Variants in BRI3BP observed in about 807,000 individuals in gnomAD.
The protein encoded by BRI3BP is BRI3-binding protein.
Under a neutral mutation model 15.8 loss-of-function variants are expected in BRI3BP, and 7 were observed. The ratio of observed to expected loss-of-function variants is 0.44; its 90% CI spans 0.25 to 0.83. The LOEUF is 0.83. BRI3BP is among the 40% of genes least tolerant of loss of function. BRI3BP has a pLI of 0.20. For synonymous variants in BRI3BP, 192 were observed against 163.5 expected (o/e 1.17, Z -1.33); for missense variants, 320 against 339.3 (o/e 0.94, Z 0.45).
rs1955374309 is a variant in BRI3BP, at chr12:125,028,265, T to C, written c.*2835T>C. 6.6e-6 allele frequency: 1 copy of C among 152,262 alleles called. No individual in the cohort carries two copies. The highest frequency in any genetic ancestry group is 6.5e-5 in the Admixed American group (1 of 15,288). The allele number at this position is 152,262 out of a possible 1,614,324, so 9.4% of individuals were successfully genotyped here. ...TGGCCCCTCCCTTGTTTATGGTCAT[T>C]GTAAGATGCCCGCATGTTAAGGCTT... On this transcript the variant is annotated 3_prime_UTR_variant, in exon 3 of 3. Coordinates refer to ENST00000341446, the MANE Select transcript of BRI3BP (RefSeq NM_080626.6).
chr12:125,013,729 C>T (rs1403996698), intron 2 of BRI3BP, among the ~76,000 whole-genome samples: 5 of 152,126 alleles, frequency 3.3e-5, no homozygotes, highest in African/African-American at 7.2e-5. Flanking sequence ...GGAGCTGGCC[C>T]CTGGTTTTGT....
intron 1 of BRI3BP, among the ~76,000 whole-genome samples, chr12:125,007,495 G>A (rs1054809135): frequency 6.6e-6 from 1 of 152,158 alleles, no homozygotes; most frequent in African/African-American, 2.4e-5. Flanking sequence ...GTTGCAGTGA[G>A]CTGAGATGGC....
chr12:125,016,825 C>CTTTTTTTTTTTTTTTTTTTT (rs58016016), intron 2 of BRI3BP, among the ~76,000 whole-genome samples: 5 of 39,808 alleles, frequency 1.3e-4, no homozygotes, highest in South Asian at 2.1e-3. Flanking sequence ...TGCGCCCAGC[C>CTTTTTTTTTTTTTTTTTTTT]TTTTTTTTTT....
intron 2 of BRI3BP, among the ~76,000 whole-genome samples, chr12:125,023,958 C>G (rs984551934): frequency 6.6e-6 from 1 of 152,166 alleles, no homozygotes; most frequent in Non-Finnish European, 1.5e-5. Context: ...ATAATCCCAG[C>G]TACTTGGGAG....
At chr12:125,032,185 G>A (rs754283119), downstream of BRI3BP, among the ~76,000 whole-genome samples, 12 of 152,160 alleles carry the variant, frequency 7.9e-5, no homozygotes, top group Non-Finnish European at 1.2e-4. Context: ...CATTTTGGCC[G>A]GGTGAGGTGG....
the BRI3BP span, among the ~76,000 whole-genome samples, chr12:125,049,194 C>T: frequency 1.3e-5 from 2 of 152,136 alleles, no homozygotes; most frequent in African/African-American, 4.8e-5. Flanking sequence ...AACTCCTGAC[C>T]TCAGGTGGGC....
the BRI3BP span, among the ~76,000 whole-genome samples, chr12:125,048,274 T>C: frequency 6.6e-6 from 1 of 152,148 alleles, no homozygotes; most frequent in Admixed American, 6.6e-5. Context: ...ATGGGTGTCA[T>C]GAGATCTGAC....
At chr12:125,042,624 T>C in the BRI3BP span, among the ~76,000 whole-genome samples, 1 of 152,054 alleles carries the variant, frequency 6.6e-6, no homozygotes, top group Non-Finnish European at 1.5e-5. Context: ...AACCTCTGCC[T>C]CCTGGGTTCA....
chr12:125,023,937 G>A (rs1237322194), intron 2 of BRI3BP, among the ~76,000 whole-genome samples: 2 of 152,164 alleles, frequency 1.3e-5, no homozygotes, highest in African/African-American at 2.4e-5. Context: ...TGGGTGTGGT[G>A]GCATGTGCCT....
chr12:125,049,642 T>C, the BRI3BP span, among the ~76,000 whole-genome samples: 2 of 152,016 alleles, frequency 1.3e-5, no homozygotes, highest in Non-Finnish European at 2.9e-5. Flanking sequence ...ATTGCTAAGC[T>C]CCGATTGGGC....
At chr12:125,046,733 C>T in the BRI3BP span, among the ~76,000 whole-genome samples, 1 of 152,332 alleles carries the variant, frequency 6.6e-6, no homozygotes, top group Admixed American at 6.5e-5. Flanking sequence ...TCGACTTTAG[C>T]ATTATCAGTC....
the BRI3BP span, among the ~76,000 whole-genome samples, chr12:125,038,241 T>C: frequency 6.8e-6 from 1 of 146,074 alleles, no homozygotes; most frequent in South Asian, 2.2e-4. Flanking sequence ...TGTGCCCCTG[T>C]GCTCCAGCCA....
chr12:125,013,016 C>T (rs1187930347), intron 2 of BRI3BP, among the ~76,000 whole-genome samples: 3 of 152,012 alleles, frequency 2.0e-5, no homozygotes, highest in Non-Finnish European at 2.9e-5. Context: ...ATGAGGAATT[C>T]GAGGCTGCAG....
chr12:125,000,828 C>T (rs1459767822), intron 1 of BRI3BP, among the ~76,000 whole-genome samples: 1 of 152,106 alleles, frequency 6.6e-6, no homozygotes, highest in Non-Finnish European at 1.5e-5. Context: ...TAGTTGCAGA[C>T]GTCTTAATAC....
chr12:125,009,715 G>T lies in BRI3BP; in HGVS notation c.214-2819G>T, dbSNP rs1395393790. 2.0e-4 allele frequency among the ~76,000 whole-genome samples: 31 copies of T among 152,166 alleles called. 1 individual carries two copies. On this transcript the variant is annotated intron_variant, in intron 1 of 2. Transcript: ENST00000341446. Reference sequence around the variant, plus strand: ...GCCTCCCAAAGTGCTGGGATTATAGGTGTGAGCCACCGTGCCCAGCCTCTA... The same window carrying T: ...GCCTCCCAAAGTGCTGGGATTATAGTTGTGAGCCACCGTGCCCAGCCTCTA...
chr12:125,040,829 C>T, the BRI3BP span, among the ~76,000 whole-genome samples: 2 of 150,700 alleles, frequency 1.3e-5, no homozygotes, highest in Admixed American at 1.3e-4. Flanking sequence ...CTCCCAGATT[C>T]GAGTGAGTCT....
At position 125,031,045 on chromosome 12, in the gene BRI3BP, AG is replaced by A. The variant is rs1317284125; in HGVS notation, c.*5617del. The A allele has an allele frequency of 1.3e-5, 2 of 152,148 alleles. No individual in the cohort carries two copies. Among genetic ancestry groups the A allele is most frequent in the Non-Finnish European group, 1.5e-5 (1 of 68,042 alleles). The allele number at this position is 152,148 out of a possible 1,614,324, so 9.4% of individuals were successfully genotyped here. A position where few individuals can be genotyped will look rare whatever the true frequency, so the allele number is the denominator to read the frequency against. Reference sequence around the variant, plus strand: ...TATCTTATATAGAGATAAATGTATCAGGCATTTTTTTGCAAAGCGATATATA... The same window carrying A: ...TATCTTATATAGAGATAAATGTATCAGCATTTTTTTGCAAAGCGATATATA... On this transcript the variant is annotated 3_prime_UTR_variant, in exon 3 of 3. Transcript: ENST00000341446.
At position 125,025,206 on chromosome 12, in the gene BRI3BP, G is replaced by T; in HGVS notation, c.532G>T (p.Glu178Ter). 1 of 1,614,092 alleles carries T rather than the reference G, an allele frequency of 6.2e-7. No homozygotes were observed. The highest frequency in any genetic ancestry group is 8.5e-7 in the Non-Finnish European group (1 of 1,180,022). The change falls in exon 3 of 3, where the codon GAG (glutamate) becomes TAG (stop). Residue 178 changes from glutamate (E) to a stop codon, truncating the protein, a stop_gained. Transcript: ENST00000341446. LOFTEE classifies it high-confidence loss of function. ...MSCVYILHKY[E>*]GEPENAVLPL... ...CTGCGTGTACATCCTGCACAAGTAC[G>T]AGGGCGAGCCGGAGAACGCGGTGCT... is the stretch of plus-strand genomic sequence containing the variant.
intron 2 of BRI3BP, among the ~76,000 whole-genome samples, chr12:125,017,040 C>G (rs1482476065): frequency 1.3e-5 from 2 of 149,348 alleles, no homozygotes; most frequent in Non-Finnish European, 3.0e-5. Context: ...TTTTCTGAGA[C>G]CGAGTATTGC....
Sources: gnomAD v4.1 joint callset for allele counts (sites outside exome capture counted in the v4.1 genomes callset) on GRCh38, gnomAD v4.1.1 for gene constraint, MANE v1.5 for transcripts, NCBI Gene and HGNC (gene_info 2026-07-23, HGNC 2026-07-21) for gene names.